The following HPS5 variants were observed in gnomAD, a reference collection of about 807,000 sequenced individuals.
HPS5 encodes the protein HPS5 biogenesis of lysosomal organelles complex 2 subunit 2.
Under a neutral mutation model 128.0 loss-of-function variants are expected in HPS5, and 83 were observed. The observed-to-expected ratio is 0.65, with a 90% CI of 0.54 to 0.78. The LOEUF (loss-of-function observed/expected upper bound fraction) is 0.78, where lower values mean the gene tolerates loss of function less well. Ranked by LOEUF, HPS5 falls within the 30% of genes least tolerant of loss-of-function variation. The pLI is 0.00. For synonymous variants in HPS5, 475 were observed against 470.2 expected (o/e 1.01, Z -0.13); for missense variants, 1,281 against 1,326.2 (o/e 0.97, Z 0.53).
intron 2 of HPS5, among the ~76,000 whole-genome samples, chr11:18,316,107 C>T (rs1242310678): frequency 6.6e-6 from 1 of 152,016 alleles, no homozygotes; most frequent in African/African-American, 2.4e-5. Context: ...CCAGCCTGGG[C>T]AACATAGCAA....
intron 8 of HPS5, among the ~76,000 whole-genome samples, 188 bp from the exon 9 acceptor site, chr11:18,301,104 C>T (rs1564958437): frequency 1.3e-5 from 2 of 152,080 alleles, no homozygotes; most frequent in Admixed American, 6.6e-5. Context: ...TAATAAATAG[C>T]ATAAAATGAT....
chr11:18,306,527 T>C (rs745916609), intron 6 of HPS5, among the ~76,000 whole-genome samples, 180 bp from the exon 7 acceptor site: 1 of 152,238 alleles, frequency 6.6e-6, no homozygotes, highest in Non-Finnish European at 1.5e-5. Flanking sequence ...CTGGCTCTGA[T>C]TGCCATTAGC....
chr11:18,306,311 ATC>A lies in HPS5; in HGVS notation c.646_647del (p.Asp216TrpfsTer28), dbSNP rs1862364098. 2.5e-6 allele frequency: 4 copies of A among 1,613,882 alleles called. No homozygotes were observed. The East Asian group carries it at 6.7e-5, about 27-fold the overall frequency. On this transcript the variant is annotated frameshift_variant, in exon 7 of 23. Coordinates refer to ENST00000349215, the MANE Select transcript of HPS5 (RefSeq NM_181507.2). LOFTEE classifies it high-confidence loss of function. Reference sequence around the variant, plus strand: ...GAAAGAAACAAGCTCCATATTCTCCATCTCTTTCCTTGTTTCCAATTTTCCAA... The same window carrying A: ...GAAAGAAACAAGCTCCATATTCTCCATCTTTCCTTGTTTCCAATTTTCCAA... ...KFWKIGNKER[D>X]GEYGACFFPG...
chr11:18,280,412 A>C, intron 22 of HPS5: 1 of 572,898 alleles, frequency 1.7e-6, no homozygotes, highest in Non-Finnish European at 3.0e-6. Context: ...GCACATGGAG[A>C]AATTGGAACT....
intron 17 of HPS5, 39 bp downstream of exon 17, chr11:18,287,854 G>T: frequency 6.2e-7 from 1 of 1,613,332 alleles, no homozygotes; most frequent in Non-Finnish European, 8.5e-7. Flanking sequence ...AAAAATGCAT[G>T]TGCTTTAGCT....
chr11:18,303,816 T>C (rs1184418411), intron 8 of HPS5, among the ~76,000 whole-genome samples: 1 of 149,600 alleles, frequency 6.7e-6, no homozygotes, highest in Non-Finnish European at 1.5e-5. Context: ...ATCGCACCAC[T>C]GCACTCCAAT....
intron 14 of HPS5, 27 bp from the exon 15 acceptor site, chr11:18,293,003 A>G: frequency 6.3e-7 from 1 of 1,577,472 alleles, no homozygotes; most frequent in Non-Finnish European, 8.7e-7. Context: ...AATAACAATA[A>G]CATTCACAAG....
chr11:18,301,023 C>T (rs766179664), intron 8 of HPS5, 107 bp from the exon 9 acceptor site: 1 of 728,612 alleles, frequency 1.4e-6, no homozygotes, highest in Admixed American at 2.1e-5. Flanking sequence ...TCAAACTGTA[C>T]AAAGAAAACA....
chr11:18,303,502 T>C (rs1861972789), intron 8 of HPS5, among the ~76,000 whole-genome samples: 1 of 152,170 alleles, frequency 6.6e-6, no homozygotes, highest in Non-Finnish European at 1.5e-5. Context: ...TCTACCATGG[T>C]AGGGACTATA....
In HPS5 at chr11:18,297,590, C is replaced by G. The variant is rs1861224849; in HGVS notation, c.1292G>C (p.Cys431Ser). The stretch of plus-strand genomic sequence containing the variant: ...TGAAATGGAGCTTCTTCTACTGCTA[C>G]AAGCTGAATCCAAAGGTTCAAATTT... ...ILKFEPLDSA[C>S]SSRRSSISSH... Residue 431 changes from cysteine (C) to serine (S), a missense_variant, in exon 11 of 23, where the codon TGT (cysteine) becomes TCT (serine). Physicochemically the swap from Cys to Ser is moderately radical, Grantham distance 112. Coordinates refer to ENST00000349215, the MANE Select transcript of HPS5 (RefSeq NM_181507.2). 1 of 1,613,860 alleles carries G rather than the reference C, an allele frequency of 6.2e-7. No individual in the cohort carries two copies. Among genetic ancestry groups the G allele is most frequent in the African/African-American group, 1.3e-5 (1 of 74,938 alleles).
intron 9 of HPS5, among the ~76,000 whole-genome samples, chr11:18,300,217 C>A (rs1169665603): frequency 6.6e-6 from 1 of 151,710 alleles, no homozygotes; most frequent in Non-Finnish European, 1.5e-5. Flanking sequence ...CTGCATGTAT[C>A]GAAACATATT....
chr11:18,317,049 C>T (rs1378192982), intron 2 of HPS5, among the ~76,000 whole-genome samples: 1 of 152,012 alleles, frequency 6.6e-6, no homozygotes, highest in Non-Finnish European at 1.5e-5. Flanking sequence ...AAAAAATTAG[C>T]CAGACGTGGT....
At chr11:18,317,965 T>C in intron 1 of HPS5, 58 bp from the exon 2 acceptor site, 1 of 1,256,800 alleles carries the variant, frequency 8.0e-7, no homozygotes, top group Admixed American at 2.0e-5. Flanking sequence ...TAACATGCAT[T>C]TAACAAATAT....
chr11:18,302,909 T>C (rs1861901375), intron 8 of HPS5, among the ~76,000 whole-genome samples: 2 of 136,416 alleles, frequency 1.5e-5, no homozygotes, highest in Non-Finnish European at 3.1e-5. Context: ...GCTTGGAAAA[T>C]TCCTTAGGAA....
chr11:18,307,521 T>C (rs1044807428), intron 6 of HPS5, among the ~76,000 whole-genome samples: 1 of 146,476 alleles, frequency 6.8e-6, no homozygotes, highest in Non-Finnish European at 1.5e-5. Flanking sequence ...TGGAGGAACA[T>C]AATAAATGTT....
At chr11:18,316,449 T>C (rs887690949) in intron 2 of HPS5, among the ~76,000 whole-genome samples, 8 of 152,258 alleles carry the variant, frequency 5.3e-5, no homozygotes, top group Non-Finnish European at 1.0e-4. Context: ...TATACCATTT[T>C]ATTTTCAATC....
intron 18 of HPS5, chr11:18,286,987 A>G (rs1859827198): frequency 1.7e-6 from 1 of 600,908 alleles, no homozygotes; most frequent in Admixed American, 3.1e-5. Flanking sequence ...TAGGAAGATC[A>G]CTGAGGCCAT....
At chr11:18,317,660 G>A in intron 2 of HPS5, 91 bp downstream of exon 2, 1 of 1,277,458 alleles carries the variant, frequency 7.8e-7, no homozygotes, top group Middle Eastern at 1.9e-4. Flanking sequence ...GAACACCCAA[G>A]ATTCCACAAA....
rs142524710 is a variant in HPS5 at position 18,293,758 on chromosome 11, G to A, written c.1785-782C>T. 3.5e-3 allele frequency among the ~76,000 whole-genome samples: 535 copies of A among 152,192 alleles called. 4 individuals carry two copies. Among genetic ancestry groups the A allele is most frequent in the Middle Eastern group, 0.02 (6 of 294 alleles). The stretch of plus-strand genomic sequence containing the variant: ...TATTATTTGTCTCACAAAAAATGGC[G>A]GGAGAATACTCTGGATAGAAGACAT... On this transcript the variant is annotated intron_variant, in intron 14 of 22. Coordinates refer to ENST00000349215, the MANE Select transcript of HPS5 (RefSeq NM_181507.2).
Sources: allele counts gnomAD v4.1 joint callset (sites outside exome capture counted in the v4.1 genomes callset), GRCh38; gene constraint gnomAD v4.1.1; transcripts MANE v1.5; gene names NCBI Gene and HGNC (gene_info 2026-07-23, HGNC 2026-07-21).